Variants in RAB11FIP4 observed in about 807,000 individuals in gnomAD.
RAB11FIP4 encodes rab11 family-interacting protein 4.
In RAB11FIP4, 23 loss-of-function variants were observed where a neutral mutation model predicts 74.3. That is an observed-to-expected ratio of 0.31 (90% CI 0.22 to 0.44). The LOEUF (loss-of-function observed/expected upper bound fraction) is 0.44. Among genes scored for constraint, RAB11FIP4 ranks in the 20% least tolerant of loss-of-function variants. The probability of loss-of-function intolerance (pLI) is 1.00; values close to 1 mark genes in which losing one functional copy is unlikely to be tolerated. For synonymous variants in RAB11FIP4, 360 were observed against 359.9 expected (o/e 1.00, Z 0.00); for missense variants, 630 against 863.9 (o/e 0.73, Z 3.39).
intron 1 of RAB11FIP4, among the ~76,000 whole-genome samples, chr17:31,405,983 T>G (rs1409148054): frequency 2.0e-5 from 3 of 151,894 alleles, no homozygotes; most frequent in Non-Finnish European, 4.4e-5. Context: ...ACTATTAGTG[T>G]CTGCACTAAT....
intron 10 of RAB11FIP4, 161 bp from the exon 11 acceptor site, chr17:31,527,681 C>A: frequency 1.8e-6 from 1 of 563,876 alleles, no homozygotes. Context: ...ATAGGAAGCT[C>A]ACGGCTAAAT....
chr17:31,505,600 AT>A (rs1399667420), intron 3 of RAB11FIP4, among the ~76,000 whole-genome samples: 12 of 55,718 alleles, frequency 2.2e-4, no homozygotes, highest in South Asian at 5.2e-4. Context: ...TATATATTAT[AT>A]AATAATAATT....
Position 31,517,880 on chromosome 17 carries a change from G to T in RAB11FIP4, c.563+3G>T. On this transcript the variant is annotated splice_donor_region_variant and intron_variant, in intron 4 of 14. Transcript: ENST00000621161. ...GGCCTGTTTCTGCCAGAAGACAAGTGAGTTAAAACCACCTGAAGCTCCATA... is the reference window on the plus strand; with the variant it reads ...GGCCTGTTTCTGCCAGAAGACAAGTTAGTTAAAACCACCTGAAGCTCCATA... The T allele has an allele frequency of 6.4e-7, 1 of 1,550,578 alleles. No individual in the cohort carries two copies. The highest frequency in any genetic ancestry group is 8.7e-7 in the Non-Finnish European group (1 of 1,146,150).
In RAB11FIP4 at chr17:31,523,558, G is replaced by A; in HGVS notation, c.976G>A (p.Glu326Lys). ...CTTCAGCAGCAGCAATGGCAGCACCGAAGACCTGTTCCGGGACAGCATTGA... is the reference window on the plus strand; with the variant it reads ...CTTCAGCAGCAGCAATGGCAGCACCAAAGACCTGTTCCGGGACAGCATTGA... The part of the protein sequence containing the change: ...SNFSSSNGST[E>K]DLFRDSIDSC... The change falls in exon 8 of 15, where the codon GAA (glutamate) becomes AAA (lysine). Residue 326 changes from glutamate (E) to lysine (K), a missense_variant. By Grantham distance (56) the Glu-to-Lys change is moderately conservative. Coordinates refer to ENST00000621161, the MANE Select transcript of RAB11FIP4 (RefSeq NM_032932.6). 1 of 1,614,114 alleles carries A rather than the reference G, an allele frequency of 6.2e-7. No homozygotes were observed. The highest frequency in any genetic ancestry group is 8.5e-7 in the Non-Finnish European group (1 of 1,179,994).
intron 1 of RAB11FIP4, among the ~76,000 whole-genome samples, chr17:31,410,716 C>CCA (rs2071086034): frequency 6.6e-6 from 1 of 152,148 alleles, no homozygotes; most frequent in African/African-American, 2.4e-5. Flanking sequence ...CCTTCTGTTT[C>CCA]CACTGTTGCT....
Position 31,517,896 on chromosome 17 carries a change from A to T in RAB11FIP4, c.563+19A>T. The T allele has an allele frequency of 6.5e-7, 1 of 1,538,676 alleles. No homozygotes were observed. The highest frequency in any genetic ancestry group is 8.8e-7 in the Non-Finnish European group (1 of 1,135,810). On this transcript the variant is annotated intron_variant, in intron 4 of 14. Transcript: ENST00000621161. ...AAGACAAGTGAGTTAAAACCACCTG[A>T]AGCTCCATATTTGCCCTCTCAGCCC...
intron 3 of RAB11FIP4, among the ~76,000 whole-genome samples, chr17:31,483,013 T>C (rs1039599180): frequency 1.3e-5 from 2 of 151,628 alleles, no homozygotes; most frequent in African/African-American, 4.8e-5. Flanking sequence ...ACCAACATGG[T>C]GAAACCCCGT....
At position 31,537,378 on chromosome 17, in the gene RAB11FIP4, TA is replaced by T. The variant is rs1045888586; in HGVS notation, c.*5648del. On this transcript the variant is annotated 3_prime_UTR_variant, in exon 15 of 15. Coordinates refer to ENST00000621161, the MANE Select transcript of RAB11FIP4 (RefSeq NM_032932.6). The stretch of plus-strand genomic sequence containing the variant: ...TGTACAGAATCTTTCATTATTGTCT[TA>T]AGCATGGGGGGCTAGGACCCACTTA... 2.5e-6 allele frequency: 1 copy of T among 396,708 alleles called. No homozygotes were observed. Among genetic ancestry groups the T allele is most frequent in the Non-Finnish European group, 4.4e-6 (1 of 225,160 alleles). The allele number at this position is 396,708 out of a possible 1,614,324, so 24.6% of individuals were successfully genotyped here.
Position 31,532,236 on chromosome 17 carries a change from C to T in RAB11FIP4, c.*504C>T, listed in dbSNP as rs867475381. ...AGCTCTTTGGCCACCTTTCAAGCCC[C>T]AGTGTTCAAGCTCAGAGAGGATGAA... On this transcript the variant is annotated 3_prime_UTR_variant, in exon 15 of 15. Coordinates refer to ENST00000621161, the MANE Select transcript of RAB11FIP4 (RefSeq NM_032932.6). 1 of 156,616 alleles carries T rather than the reference C, an allele frequency of 6.4e-6. No homozygotes were observed. Among genetic ancestry groups the T allele is most frequent in the East Asian group, 1.9e-4 (1 of 5,328 alleles). 9.7% of individuals were successfully genotyped at this position (156,616 alleles called of 1,614,324 possible). A position where few individuals can be genotyped will look rare whatever the true frequency, so the allele number is the denominator to read the frequency against.
chr17:31,423,861 T>G (rs891937725), intron 1 of RAB11FIP4, among the ~76,000 whole-genome samples: 4 of 152,060 alleles, frequency 2.6e-5, no homozygotes, highest in African/African-American at 9.7e-5. Flanking sequence ...GGCCCCTTTT[T>G]CTCATTTTTT....
intron 3 of RAB11FIP4, among the ~76,000 whole-genome samples, chr17:31,443,343 T>A (rs998916237): frequency 2.6e-5 from 4 of 152,248 alleles, no homozygotes; most frequent in Non-Finnish European, 4.4e-5. Flanking sequence ...ATACCAAATT[T>A]AAAAATTTTT....
intron 7 of RAB11FIP4, chr17:31,522,749 C>T (rs1056007617): frequency 1.9e-5 from 6 of 324,024 alleles, no homozygotes; most frequent in Admixed American, 1.8e-4. Context: ...CCCCGGGTTT[C>T]CTGCAGGCGG....
chr17:31,392,286 C>A (rs2070881805), intron 1 of RAB11FIP4: 1 of 286,460 alleles, frequency 3.5e-6, no homozygotes, highest in African/African-American at 2.2e-5. Context: ...CATGCAGGTC[C>A]TTCTGAGCGG....
At chr17:31,424,374 C>G (rs975389113) in intron 1 of RAB11FIP4, among the ~76,000 whole-genome samples, 1 of 152,144 alleles carries the variant, frequency 6.6e-6, no homozygotes, top group Non-Finnish European at 1.5e-5. Flanking sequence ...AGTCTGTCCT[C>G]AAGCCACATC....
intron 2 of RAB11FIP4, among the ~76,000 whole-genome samples, chr17:31,433,621 G>A (rs758346008): frequency 3.3e-5 from 5 of 152,232 alleles, no homozygotes; most frequent in African/African-American, 1.2e-4. Context: ...TGTCCTGGAC[G>A]TCCCAGGGTC....
chr17:31,531,501 A>G (rs1351755807), intron 14 of RAB11FIP4, 115 bp from the exon 15 acceptor site: 1 of 716,004 alleles, frequency 1.4e-6, no homozygotes, highest in African/African-American at 1.8e-5. Flanking sequence ...CTTGCCCAGG[A>G]TCTCCTGATG....
intron 3 of RAB11FIP4, among the ~76,000 whole-genome samples, chr17:31,471,245 T>G (rs981655165): frequency 2.7e-5 from 4 of 150,590 alleles, no homozygotes; most frequent in Admixed American, 6.6e-5. Flanking sequence ...TTTTTTTTTT[T>G]GTAGAGATAA....
intron 3 of RAB11FIP4, among the ~76,000 whole-genome samples, chr17:31,506,317 C>T (rs1284683218): frequency 3.3e-5 from 5 of 152,190 alleles, no homozygotes; most frequent in African/African-American, 9.7e-5. Flanking sequence ...TTTTGATACA[C>T]ATGTGTATTG....
At chr17:31,431,720 GTCCCTCCC>G (rs750482767) in intron 1 of RAB11FIP4, 85 bp from the exon 2 acceptor site, 3 of 780,288 alleles carry the variant, frequency 3.8e-6, no homozygotes, top group East Asian at 2.9e-5. Context: ...GGACACTGGT[GTCCCTCCC>G]TCCCTCCCAG....
Sources: allele counts gnomAD v4.1 joint callset (sites outside exome capture counted in the v4.1 genomes callset), GRCh38; gene constraint gnomAD v4.1.1; transcripts MANE v1.5; gene names NCBI Gene and HGNC (gene_info 2026-07-23, HGNC 2026-07-21).